The following FBXO34 variants were observed in gnomAD, a reference collection of about 807,000 sequenced individuals.
The protein encoded by FBXO34 is F-box only protein 34.
A neutral mutation model predicts 24.5 loss-of-function variants in FBXO34; 12 were observed. The ratio of observed to expected loss-of-function variants is 0.49; its 90% CI spans 0.31 to 0.79. FBXO34 has a LOEUF of 0.79. Among genes scored for constraint, FBXO34 ranks in the 30% least tolerant of loss-of-function variants. The pLI is 0.04. For synonymous variants in FBXO34, 320 were observed against 311.9 expected (o/e 1.03, Z -0.27); for missense variants, 823 against 857.7 (o/e 0.96, Z 0.51).
intron 1 of FBXO34, among the ~76,000 whole-genome samples, chr14:55,277,915 A>G (rs1881397103): frequency 1.3e-5 from 2 of 152,166 alleles, no homozygotes; most frequent in South Asian, 2.1e-4. Context: ...AACAGGATTT[A>G]TTGAGAGAAA....
the FBXO34 span, among the ~76,000 whole-genome samples, chr14:55,389,495 A>G: frequency 3.0e-4 from 45 of 152,330 alleles, no homozygotes; most frequent in African/African-American, 1.1e-3. Flanking sequence ...AAATGTTTTC[A>G]ATGGAAGCTT....
At chr14:55,419,663 G>A in the FBXO34 span, among the ~76,000 whole-genome samples, 8 of 152,170 alleles carry the variant, frequency 5.3e-5, no homozygotes, top group African/African-American at 1.9e-4. Context: ...CTTAGACATG[G>A]TGGCTGTAGC....
At chr14:55,419,147 CA>C in the FBXO34 span, among the ~76,000 whole-genome samples, 1 of 152,232 alleles carries the variant, frequency 6.6e-6, no homozygotes, top group Non-Finnish European at 1.5e-5. Context: ...TGTAGACTTG[CA>C]AATTGCTGTG....
rs146001499 is a variant in FBXO34, at chr14:55,282,214, T to C, written c.-11+10677T>C. On this transcript the variant is annotated intron_variant, in intron 1 of 1. Transcript: ENST00000313833. ...TTCTCCATGTTGGCCAAGATGATCT[T>C]GATCTCCTTACCTCATGATCCGCCC... The C allele has an allele frequency of 8.4e-4, 178 of 212,130 alleles. 1 individual carries two copies. Among genetic ancestry groups the C allele is most frequent in the African/African-American group, 3.9e-3 (169 of 43,070 alleles). 13.1% of individuals were successfully genotyped at this position (212,130 alleles called of 1,614,324 possible).
chr14:55,394,787 G>A, the FBXO34 span, among the ~76,000 whole-genome samples: 1 of 152,124 alleles, frequency 6.6e-6, no homozygotes, highest in East Asian at 1.9e-4. Flanking sequence ...TGACTCCATA[G>A]TGCCATTTAG....
chr14:55,274,996 C>T lies in FBXO34; in HGVS notation c.-11+3459C>T, dbSNP rs532911868. Among the ~76,000 whole-genome samples the T allele has an allele frequency of 1.3e-5, 2 of 152,284 alleles. 1 individual carries two copies. The highest frequency in any genetic ancestry group is 4.8e-5 in the African/African-American group (2 of 41,564). Reference sequence around the variant, plus strand: ...AAAAACAAAAAAGAGCAGATTAACTCGAAATGCATTTAGGTCATCTGGAAA... The same window carrying T: ...AAAAACAAAAAAGAGCAGATTAACTTGAAATGCATTTAGGTCATCTGGAAA... On this transcript the variant is annotated intron_variant, in intron 1 of 1. Transcript: ENST00000313833.
the FBXO34 span, among the ~76,000 whole-genome samples, chr14:55,412,537 C>T: frequency 0.041 from 6,202 of 152,246 alleles, 304 homozygotes; most frequent in East Asian, 0.22. Context: ...ATGGTTAGGA[C>T]TTCCCTTCAA....
the FBXO34 span, among the ~76,000 whole-genome samples, chr14:55,438,122 G>A: frequency 1.7e-3 from 259 of 152,272 alleles, no homozygotes; most frequent in African/African-American, 5.7e-3. Context: ...TTTGAGCACT[G>A]CTTGCAGGAG....
the FBXO34 span, among the ~76,000 whole-genome samples, chr14:55,383,617 TAAC>T: frequency 6.8e-6 from 1 of 147,006 alleles, no homozygotes; most frequent in African/African-American, 2.6e-5. Context: ...CAACAAAAAA[TAAC>T]AAGCCCATCA....
At chr14:55,402,929 ATATATATATATATATATATATATAT>A in the FBXO34 span, among the ~76,000 whole-genome samples, 6 of 16,368 alleles carry the variant, frequency 3.7e-4, no homozygotes, top group Non-Finnish European at 6.5e-4. Flanking sequence ...AAAAAAAAAT[ATATATATATATATATATATATATAT>A]ATATATATAT....
chr14:55,354,067 C>T (rs1303387758), downstream of FBXO34, among the ~76,000 whole-genome samples: 12 of 152,132 alleles, frequency 7.9e-5, no homozygotes, highest in Non-Finnish European at 1.3e-4. Context: ...AAGGATGGTA[C>T]GTGCTCTAGG....
chr14:55,418,187 C>T, the FBXO34 span, among the ~76,000 whole-genome samples: 4 of 152,314 alleles, frequency 2.6e-5, no homozygotes, highest in East Asian at 1.9e-4. Context: ...TGTCTGTCTC[C>T]CTCAGCAGGG....
At chr14:55,304,001 T>C (rs1378223437) in intron 1 of FBXO34, among the ~76,000 whole-genome samples, 2 of 152,260 alleles carry the variant, frequency 1.3e-5, no homozygotes, top group African/African-American at 4.8e-5. Flanking sequence ...ATAGTGATTT[T>C]ACATCAGAAA....
At chr14:55,432,444 C>CAAAAAAAACACA in the FBXO34 span, among the ~76,000 whole-genome samples, 17 of 147,522 alleles carry the variant, frequency 1.2e-4, no homozygotes, top group African/African-American at 4.3e-4. Flanking sequence ...AAACAAACAA[C>CAAAAAAAACACA]AAAAAAAACA....
intron 1 of FBXO34, among the ~76,000 whole-genome samples, chr14:55,328,258 G>A (rs1399498202): frequency 6.6e-6 from 1 of 152,038 alleles, no homozygotes; most frequent in East Asian, 1.9e-4. Context: ...ATACCTGGCC[G>A]ATGTTTTTTG....
intron 3 of FBXO34, among the ~76,000 whole-genome samples, chr14:55,359,676 G>A (rs539577547): frequency 2.0e-5 from 3 of 152,078 alleles, no homozygotes; most frequent in Admixed American, 6.5e-5. Context: ...TTCCTTTCAC[G>A]AAAGATTTCT....
At chr14:55,315,037 C>A (rs750433233) in intron 1 of FBXO34, among the ~76,000 whole-genome samples, 1 of 152,114 alleles carries the variant, frequency 6.6e-6, no homozygotes, top group Non-Finnish European at 1.5e-5. Context: ...TTTTTCTCAT[C>A]CCCAGGAATG....
chr14:55,336,824 T>TA (rs10649185), intron 1 of FBXO34, among the ~76,000 whole-genome samples: 2,058 of 142,558 alleles, frequency 0.014, 21 homozygotes, highest in Middle Eastern at 0.041. Flanking sequence ...CCCAGAAATG[T>TA]AAAAAAAAAA....
chr14:55,335,299 A>G (rs1406306391), intron 1 of FBXO34: 3 of 152,292 alleles, frequency 2.0e-5, no homozygotes, highest in African/African-American at 7.2e-5. Context: ...GGTTATAAAA[A>G]TGTCATACCT....
Sources: gnomAD v4.1 joint callset for allele counts (sites outside exome capture counted in the v4.1 genomes callset) on GRCh38, gnomAD v4.1.1 for gene constraint, MANE v1.5 for transcripts, NCBI Gene and HGNC (gene_info 2026-07-23, HGNC 2026-07-21) for gene names.